Variants in ANKRD10 observed in about 807,000 individuals in gnomAD.
The protein encoded by ANKRD10 is ankyrin repeat domain 10.
ANKRD10 carries 14 observed loss-of-function variants against 27.0 expected under a neutral mutation model. The observed-to-expected ratio is 0.52, with a 90% CI of 0.34 to 0.81. ANKRD10 has a LOEUF of 0.81. ANKRD10 is among the 40% of genes least tolerant of loss of function. The probability of loss-of-function intolerance (pLI) is 0.01; values close to 1 mark genes in which losing one functional copy is unlikely to be tolerated. For synonymous variants in ANKRD10, 250 were observed against 224.5 expected, an observed-to-expected ratio of 1.11 and a Z score of -1.01; for missense variants, 493 against 544.0, an observed-to-expected ratio of 0.91 and a Z score of 0.93.
chr13:110,900,728 T>A (rs1323174102), intron 3 of ANKRD10: 1 of 1,307,016 alleles, frequency 7.7e-7, no homozygotes, highest in Non-Finnish European at 1.0e-6. Context: ...TTTTTACAGA[T>A]TCAGAATCTT....
Position 110,893,758 on chromosome 13 carries a change from T to C in ANKRD10, c.456-495A>G, listed in dbSNP as rs376386526. 7.9e-5 allele frequency among the ~76,000 whole-genome samples: 12 copies of C among 152,336 alleles called. No homozygotes were observed. The East Asian group carries it at 2.1e-3, about 27-fold the overall frequency. On this transcript the variant is annotated intron_variant, in intron 3 of 5. Coordinates refer to ENST00000267339, the MANE Select transcript of ANKRD10 (RefSeq NM_017664.4). Reference sequence around the variant, plus strand: ...ACATGTGACACTGTAAGTGGAAGTTTAGAAGGATGTCCTGACATTAAAAAG... The same window carrying C: ...ACATGTGACACTGTAAGTGGAAGTTCAGAAGGATGTCCTGACATTAAAAAG...
At chr13:110,883,573 G>A (rs746980787) in intron 5 of ANKRD10, 125 bp downstream of exon 5, 2 of 1,437,356 alleles carry the variant, frequency 1.4e-6, no homozygotes, top group Non-Finnish European at 1.8e-6. Flanking sequence ...AACGACAGGG[G>A]GTCTGCATTG....
At chr13:110,880,715 C>T (rs1157460644) in intron 5 of ANKRD10, among the ~76,000 whole-genome samples, 1 of 152,168 alleles carries the variant, frequency 6.6e-6, no homozygotes, top group Admixed American at 6.5e-5. Flanking sequence ...AAAGGAACCA[C>T]TGTTTTTATT....
intron 3 of ANKRD10, among the ~76,000 whole-genome samples, chr13:110,900,231 C>T (rs1297211199): frequency 3.3e-5 from 5 of 152,144 alleles, no homozygotes; most frequent in African/African-American, 7.2e-5. Flanking sequence ...CTGATGAGAA[C>T]GACTTTGTTT....
chr13:110,895,778 TAGAA>T (rs1285340839), intron 3 of ANKRD10, among the ~76,000 whole-genome samples: 1 of 152,136 alleles, frequency 6.6e-6, no homozygotes, highest in Non-Finnish European at 1.5e-5. Context: ...TATAACCTTA[TAGAA>T]AAATAATCAA....
rs770937715 is a variant in ANKRD10, at chr13:110,906,043, C to T, written c.445G>A (p.Ala149Thr). 1 of 1,597,518 alleles carries T rather than the reference C, an allele frequency of 6.3e-7. No individual in the cohort carries two copies. The highest frequency in any genetic ancestry group is 1.7e-5 in the Admixed American group (1 of 58,346). Reference sequence around the variant, plus strand: ...ACGAAAGACACTTACTCGACGTGAGCCCCATTCGCCACAAGGGCACTGATG... The same window carrying T: ...ACGAAAGACACTTACTCGACGTGAGTCCCATTCGCCACAAGGGCACTGATG... ...ECISALVANG[A>T]HVDLRNASGL... Residue 149 changes from alanine (A) to threonine (T), a missense_variant, in exon 3 of 6, where the codon GCT becomes ACT. By Grantham distance (58) the Ala-to-Thr change is moderately conservative (BLOSUM62 0). Coordinates refer to ENST00000267339, the MANE Select transcript of ANKRD10 (RefSeq NM_017664.4).
At chr13:110,901,253 C>G (rs932622179) in intron 3 of ANKRD10, among the ~76,000 whole-genome samples, 2 of 152,134 alleles carry the variant, frequency 1.3e-5, no homozygotes, top group African/African-American at 4.8e-5. Context: ...TGAAGACTTT[C>G]TTAAATATAT....
intron 2 of ANKRD10, among the ~76,000 whole-genome samples, chr13:110,909,951 G>C (rs2065648830): frequency 6.6e-6 from 1 of 152,216 alleles, no homozygotes; most frequent in Non-Finnish European, 1.5e-5. Flanking sequence ...TCCATCTGCA[G>C]CAAAGGACGC....
Position 110,915,006 on chromosome 13 carries a change from C to T in ANKRD10, c.-72G>A, listed in dbSNP as rs2065852626. The T allele has an allele frequency of 1.3e-6, 2 of 1,482,862 alleles. No homozygotes were observed. The highest frequency in any genetic ancestry group is 1.8e-6 in the Non-Finnish European group (2 of 1,121,718). The allele number at this position is 1,482,862 out of a possible 1,614,324, so 91.9% of individuals were successfully genotyped here. ...CGGGGAGGACTCGAGAAGCCGCCGC[C>T]GCAGCACAAAGGAACGAGACTAGCG... On this transcript the variant is annotated 5_prime_UTR_variant, in exon 1 of 6. Coordinates refer to ENST00000267339, the MANE Select transcript of ANKRD10 (RefSeq NM_017664.4).
At chr13:110,914,525 C>G (rs1001056930) in intron 1 of ANKRD10, 200 bp downstream of exon 1, 1 of 630,308 alleles carries the variant, frequency 1.6e-6, no homozygotes, top group East Asian at 3.9e-5. Flanking sequence ...CCGCCCCGCG[C>G]CCCCCGGCTG....
chr13:110,903,333 GTTTTAA>G (rs111812847), intron 3 of ANKRD10: 14,533 of 152,404 alleles, frequency 0.095, 829 homozygotes, highest in Middle Eastern at 0.17. Context: ...AATCCTGTGC[GTTTTAA>G]TTTTTAGATG....
chr13:110,892,415 G>GAAAAAAAAA (rs1381734881), intron 4 of ANKRD10, among the ~76,000 whole-genome samples: 2 of 2,590 alleles, frequency 7.7e-4, no homozygotes, highest in African/African-American at 4.9e-3. Context: ...GGGTGACAGA[G>GAAAAAAAAA]CAAAAAAAAA....
chr13:110,906,820 G>C lies in ANKRD10; in HGVS notation c.364-696C>G, dbSNP rs1428911213. Among the ~76,000 whole-genome samples, 82 of 152,258 alleles carry C rather than the reference G, an allele frequency of 5.4e-4. 2 individuals carry two copies. Among genetic ancestry groups the C allele is most frequent in the Admixed American group, 5.2e-3 (80 of 15,280 alleles). On this transcript the variant is annotated intron_variant, in intron 2 of 5. Coordinates refer to ENST00000267339, the MANE Select transcript of ANKRD10 (RefSeq NM_017664.4). ...AATTCCTGGTTCAGAAAGTGCAGAG[G>C]GGGTGGGGTGGCGGCGGTGGGGAGG...
At chr13:110,896,664 T>C (rs950969955) in intron 3 of ANKRD10, among the ~76,000 whole-genome samples, 3 of 152,362 alleles carry the variant, frequency 2.0e-5, no homozygotes, top group African/African-American at 2.4e-5. Context: ...TTGGAGACCA[T>C]ACATTCTCAG....
Position 110,906,096 on chromosome 13 carries a change from T to C in ANKRD10, c.392A>G (p.Lys131Arg). ...PDCEGETPIH[K>R]AARSGSLECI... ...TTCTAGGCTCCCAGAGCGAGCTGCC[T>C]TGTGAATGGGAGTTTCACCCTCACA... The change falls in exon 3 of 6, where the codon AAG becomes AGG. Residue 131 changes from lysine (K) to arginine (R), a missense_variant. By Grantham distance (26) the Lys-to-Arg change is conservative. Coordinates refer to ENST00000267339, the MANE Select transcript of ANKRD10 (RefSeq NM_017664.4). 1 of 1,603,872 alleles carries C rather than the reference T, an allele frequency of 6.2e-7. No individual in the cohort carries two copies. Among genetic ancestry groups the C allele is most frequent in the Non-Finnish European group, 8.5e-7 (1 of 1,174,610 alleles).
At chr13:110,880,987 A>C (rs559008716) in intron 5 of ANKRD10, among the ~76,000 whole-genome samples, 3 of 152,350 alleles carry the variant, frequency 2.0e-5, no homozygotes, top group African/African-American at 7.2e-5. Flanking sequence ...TAATCTGCAT[A>C]TACAGACATC....
chr13:110,894,426 A>AAAAAAAAAAAAAAAAAC (rs2065174156), intron 3 of ANKRD10: 1 of 272,136 alleles, frequency 3.7e-6, no homozygotes, highest in African/African-American at 2.4e-5. Flanking sequence ...AAAAAAAAAA[A>AAAAAAAAAAAAAAAAAC]ACCCCGCATT....
At chr13:110,901,391 C>G (rs2065376124) in intron 3 of ANKRD10, among the ~76,000 whole-genome samples, 1 of 152,136 alleles carries the variant, frequency 6.6e-6, no homozygotes, top group Admixed American at 6.5e-5. Context: ...ATTATGTTTT[C>G]AAACATTAAA....
chr13:110,882,349 C>T (rs1219929217), intron 5 of ANKRD10, among the ~76,000 whole-genome samples: 2 of 152,184 alleles, frequency 1.3e-5, no homozygotes, highest in African/African-American at 2.4e-5. Context: ...TTCCAGTGGA[C>T]GTGGAGTGCC....
Sources: gnomAD v4.1 joint callset for allele counts (sites outside exome capture counted in the v4.1 genomes callset) on GRCh38, gnomAD v4.1.1 for gene constraint, MANE v1.5 for transcripts, NCBI Gene and HGNC (gene_info 2026-07-23, HGNC 2026-07-21) for gene names.